Variants in PSMD7 observed in about 807,000 individuals in gnomAD.
PSMD7 encodes 26S proteasome non-ATPase regulatory subunit 7.
A neutral mutation model predicts 36.4 loss-of-function variants in PSMD7; 13 were observed. That is an observed-to-expected ratio of 0.36 (90% CI 0.23 to 0.57). The LOEUF (loss-of-function observed/expected upper bound fraction) is 0.57. Among genes scored for constraint, PSMD7 ranks in the 20% least tolerant of loss-of-function variants. The probability of loss-of-function intolerance (pLI) is 0.83; values close to 1 mark genes in which losing one functional copy is unlikely to be tolerated. For synonymous variants in PSMD7, 186 were observed against 151.0 expected (o/e 1.23, Z -1.70); for missense variants, 298 against 393.6 (o/e 0.76, Z 2.06).
intron 4 of PSMD7, 48 bp downstream of exon 4, chr16:74,301,700 C>G (rs2034156659): frequency 1.3e-6 from 2 of 1,484,542 alleles, no homozygotes; most frequent in South Asian, 2.3e-5. Context: ...TTTTTGCCAG[C>G]CAGCTCAAGT....
chr16:74,299,060 CTTTG>C (rs1173095955), intron 1 of PSMD7, among the ~76,000 whole-genome samples: 1 of 136,356 alleles, frequency 7.3e-6, no homozygotes, highest in Non-Finnish European at 1.6e-5. Flanking sequence ...GAATCATTAA[CTTTG>C]TTTGATTCAA....
intron 1 of PSMD7, among the ~76,000 whole-genome samples, chr16:74,298,422 G>C (rs2034130714): frequency 6.6e-6 from 1 of 152,200 alleles, no homozygotes; most frequent in African/African-American, 2.4e-5. Context: ...CCCGCAACTT[G>C]CTGTGTGCAA....
chr16:74,304,035 T>A, intron 5 of PSMD7: 1 of 328,760 alleles, frequency 3.0e-6, no homozygotes, highest in Non-Finnish European at 5.8e-6. Flanking sequence ...CCCTGTGCGT[T>A]CATGCCAAGT....
Position 74,296,863 on chromosome 16 carries a change from C to A in PSMD7, c.-52C>A. On this transcript the variant is annotated 5_prime_UTR_variant, in exon 1 of 7. Coordinates refer to ENST00000219313, the MANE Select transcript of PSMD7 (RefSeq NM_002811.5). ...AGGGTACCGGTGACCGCTACTGCTG[C>A]CGGTGTTTGCGTGTGGCAGGGAGCC... The A allele has an allele frequency of 6.3e-7, 1 of 1,594,240 alleles. No homozygotes were observed. The highest frequency in any genetic ancestry group is 2.2e-5 in the East Asian group (1 of 44,520).
intron 6 of PSMD7, chr16:74,304,646 T>C: frequency 2.8e-6 from 1 of 362,830 alleles, no homozygotes. Flanking sequence ...GCATACCTTG[T>C]CTGGAAACTA....
chr16:74,304,282 T>C (rs367731683), intron 5 of PSMD7, 21 bp from the exon 6 acceptor site: 5 of 1,601,214 alleles, frequency 3.1e-6, no homozygotes, highest in African/African-American at 1.3e-5. Context: ...TAAATAATTA[T>C]AGTTAGGCTT....
intron 2 of PSMD7, 33 bp downstream of exon 2, chr16:74,300,239 G>A (rs2034145370): frequency 6.4e-7 from 1 of 1,557,554 alleles, no homozygotes; most frequent in Non-Finnish European, 8.9e-7. Context: ...TTCCGAGCAT[G>A]ATTAAAATGT....
intron 5 of PSMD7, among the ~76,000 whole-genome samples, chr16:74,302,895 T>A (rs1321037688): frequency 1.3e-5 from 2 of 152,236 alleles, no homozygotes; most frequent in Non-Finnish European, 2.9e-5. Flanking sequence ...TGTGCAAATG[T>A]TCCTTGCATC....
intron 1 of PSMD7, among the ~76,000 whole-genome samples, chr16:74,297,576 T>C (rs2034123620): frequency 6.6e-6 from 1 of 152,162 alleles, no homozygotes; most frequent in East Asian, 1.9e-4. Context: ...CCCAAGGCTA[T>C]GTTTATCTTC....
chr16:74,304,226 G>C (rs890370242), intron 5 of PSMD7, 77 bp from the exon 6 acceptor site: 14 of 1,310,548 alleles, frequency 1.1e-5, no homozygotes, highest in Non-Finnish European at 1.5e-5. Context: ...TAAAGCAAAA[G>C]ACTCAGGGTG....
In PSMD7 at chr16:74,302,187, T is replaced by C. The variant is rs895544780; in HGVS notation, c.358-25T>C. The C allele has an allele frequency of 6.2e-6, 10 of 1,601,570 alleles. No individual in the cohort carries two copies. The Admixed American group carries it at 1.7e-4, about 27-fold the overall frequency. ...CCTTTTGTGCTGGGCGTGAGATGACTTGCTAAGATGTGTTTCTCTGCCAGG... is the reference window on the plus strand; with the variant it reads ...CCTTTTGTGCTGGGCGTGAGATGACCTGCTAAGATGTGTTTCTCTGCCAGG... On this transcript the variant is annotated intron_variant, in intron 4 of 6. Transcript: ENST00000219313.
Position 74,301,087 on chromosome 16 carries a change from T to C in PSMD7, c.202T>C (p.Trp68Arg). 1 of 1,613,286 alleles carries C rather than the reference T, an allele frequency of 6.2e-7. No individual in the cohort carries two copies. The highest frequency in any genetic ancestry group is 8.5e-7 in the Non-Finnish European group (1 of 1,179,396). ...TGAAGATGACAAAGACGATTCTGTATGGTTTTTAGACCATGATTATTTGGA... is the reference window on the plus strand; with the variant it reads ...TGAAGATGACAAAGACGATTCTGTACGGTTTTTAGACCATGATTATTTGGA... ...FDEDDKDDSV[W>R]FLDHDYLENM... Residue 68 changes from tryptophan to arginine, a missense_variant, in exon 3 of 7, where the codon TGG becomes CGG. Trp to Arg is a moderately radical substitution (Grantham distance 101). Transcript: ENST00000219313.
chr16:74,301,007 G>C (rs777971936), intron 2 of PSMD7, 45 bp from the exon 3 acceptor site: 15 of 1,212,140 alleles, frequency 1.2e-5, no homozygotes, highest in Non-Finnish European at 1.7e-5. Flanking sequence ...CTGTGTTCTA[G>C]GTTTCTATCA....
intron 1 of PSMD7, among the ~76,000 whole-genome samples, chr16:74,298,550 A>G (rs1327881864): frequency 2.6e-5 from 4 of 152,234 alleles, no homozygotes; most frequent in Admixed American, 6.5e-5. Context: ...TTTCAGTGCT[A>G]TTCAAGCACT....
rs1046357661 is a variant in PSMD7, at chr16:74,299,460, A to G, written c.75-655A>G. On this transcript the variant is annotated intron_variant, in intron 1 of 6. Coordinates refer to ENST00000219313, the MANE Select transcript of PSMD7 (RefSeq NM_002811.5). ...TCTCAGCTCACTGTAGCTAGCCTCA[A>G]ACTCGACCTTCTGAGCTCAAGTAGT... 1.2e-5 allele frequency: 5 copies of G among 403,646 alleles called. No individual in the cohort carries two copies. In the East Asian group the frequency reaches 2.4e-4, roughly 20 times the overall value. 25.0% of individuals were successfully genotyped at this position (403,646 alleles called of 1,614,324 possible). A position where few individuals can be genotyped will look rare whatever the true frequency, so the allele number is the denominator to read the frequency against.
intron 1 of PSMD7, among the ~76,000 whole-genome samples, chr16:74,297,208 T>C (rs952925152): frequency 6.6e-6 from 1 of 152,240 alleles, no homozygotes; most frequent in Non-Finnish European, 1.5e-5. Flanking sequence ...CTTGGCTGCC[T>C]GTTCCGTTTA....
chr16:74,305,111 G>C (rs2142566333), intron 6 of PSMD7, 178 bp from the exon 7 acceptor site: 1 of 791,348 alleles, frequency 1.3e-6, no homozygotes, highest in Non-Finnish European at 1.9e-6. Flanking sequence ...TGTTCCAAAT[G>C]ATAACGAAAT....
Position 74,296,826 on chromosome 16 carries a change from A to G in PSMD7, c.-89A>G, listed in dbSNP as rs2034115418. ...GGGCTGACGAACCGGAAGAAGAGGA[A>G]CTGGGCCTGAAAGGGTACCGGTGAC... On this transcript the variant is annotated 5_prime_UTR_variant, in exon 1 of 7. Transcript: ENST00000219313. 7.3e-7 allele frequency: 1 copy of G among 1,374,460 alleles called. No individual in the cohort carries two copies. Among genetic ancestry groups the G allele is most frequent in the Admixed American group, 1.9e-5 (1 of 51,992 alleles). 85.1% of individuals were successfully genotyped at this position (1,374,460 alleles called of 1,614,324 possible).
chr16:74,305,999 T>A lies in PSMD7; in HGVS notation c.*266T>A, dbSNP rs1021752264. ...ATTGTATGAGAAAAATGAAGAGAAG[T>A]CAACAAATATTTTGGTACTCTTCAT... On this transcript the variant is annotated 3_prime_UTR_variant, in exon 7 of 7. Transcript: ENST00000219313. 1.4e-5 allele frequency: 4 copies of A among 295,528 alleles called. No individual in the cohort carries two copies. Among genetic ancestry groups the A allele is most frequent in the Admixed American group, 5.1e-5 (1 of 19,642 alleles). The allele number at this position is 295,528 out of a possible 1,614,324, so 18.3% of individuals were successfully genotyped here.
Sources: gnomAD v4.1 joint callset for allele counts (sites outside exome capture counted in the v4.1 genomes callset) on GRCh38, gnomAD v4.1.1 for gene constraint, MANE v1.5 for transcripts, NCBI Gene and HGNC (gene_info 2026-07-23, HGNC 2026-07-21) for gene names.